Variants in DMD observed in about 807,000 individuals in gnomAD.
The protein encoded by DMD is dystrophin.
DMD carries 63 observed loss-of-function variants against 330.1 expected under a neutral mutation model. The ratio of observed to expected loss-of-function variants is 0.19; its 90% confidence interval spans 0.16 to 0.24. The LOEUF (loss-of-function observed/expected upper bound fraction) is 0.24, where lower values mean the gene tolerates loss of function less well. DMD is among the 10% of genes least tolerant of loss of function. The pLI is 1.00. For synonymous variants in DMD, 1,223 were observed against 959.8 expected, an observed-to-expected ratio of 1.27 and a Z score of -5.07; for missense variants, 3,344 against 2,684.1, an observed-to-expected ratio of 1.25 and a Z score of -5.43.
intron 2 of DMD, among the ~76,000 whole-genome samples, chrX:32,985,322 GATA>G (rs1289717162): frequency 7.1e-5 from 8 of 111,957 alleles, no homozygotes; most frequent in Non-Finnish European, 1.5e-4. Flanking sequence ...CCCAATGCAA[GATA>G]ATATTTTCTA....
At chrX:31,668,689 T>C (rs895676279) in intron 53 of DMD, among the ~76,000 whole-genome samples, 3 of 111,297 alleles carry the variant, frequency 2.7e-5, no homozygotes, top group Non-Finnish European at 5.7e-5. Flanking sequence ...CACCAGGTTG[T>C]GTCATAAAGT....
chrX:31,880,688 C>T (rs1045163864), intron 47 of DMD, among the ~76,000 whole-genome samples: 1 of 112,118 alleles, frequency 8.9e-6, no homozygotes, highest in African/African-American at 3.2e-5. Context: ...GACTGTGATC[C>T]TATGAGATTA....
chrX:32,333,720 T>G (rs1449374999), intron 41 of DMD, among the ~76,000 whole-genome samples: 1 of 111,293 alleles, frequency 9.0e-6, no homozygotes, highest in East Asian at 2.8e-4. Context: ...TTTATTCCCC[T>G]TTACAGCTGA....
chrX:32,931,359 G>A (rs1469642810), intron 2 of DMD, among the ~76,000 whole-genome samples: 3 of 111,223 alleles, frequency 2.7e-5, no homozygotes, highest in Non-Finnish European at 5.7e-5. Flanking sequence ...GGTTACTGTC[G>A]ATAGTTGCGT....
At chrX:33,158,305 G>A (rs745946712) in intron 1 of DMD, among the ~76,000 whole-genome samples, 5 of 111,664 alleles carry the variant, frequency 4.5e-5, no homozygotes, top group South Asian at 7.6e-4. Flanking sequence ...CCTGAAGAAC[G>A]TGAGGGATTG....
intron 55 of DMD, among the ~76,000 whole-genome samples, chrX:31,583,561 C>T (rs2076437920): frequency 9.0e-6 from 1 of 110,833 alleles, no homozygotes; most frequent in Non-Finnish European, 1.9e-5. Flanking sequence ...GATAAATGGA[C>T]TGAAAAGTGA....
chrX:32,753,362 A>T (rs1177950558), intron 7 of DMD, among the ~76,000 whole-genome samples: 1 of 112,273 alleles, frequency 8.9e-6, no homozygotes, highest in Non-Finnish European at 1.9e-5. Flanking sequence ...GGCCTAACAG[A>T]ACACTTTGCC....
intron 44 of DMD, among the ~76,000 whole-genome samples, chrX:32,014,877 A>G (rs1333744691): frequency 8.9e-6 from 1 of 112,338 alleles, no homozygotes; most frequent in African/African-American, 3.2e-5. Flanking sequence ...TATTAGTACT[A>G]CTAAGCATAC....
chrX:32,711,263 TCTC>T (rs1467960320), intron 7 of DMD, among the ~76,000 whole-genome samples: 9 of 111,526 alleles, frequency 8.1e-5, no homozygotes, highest in Non-Finnish European at 1.5e-4. Flanking sequence ...AATGTCGGCC[TCTC>T]TCAAATACCT....
chrX:32,584,646 G>T (rs955862891), intron 13 of DMD, among the ~76,000 whole-genome samples: 6 of 111,984 alleles, frequency 5.4e-5, no homozygotes, highest in Non-Finnish European at 1.1e-4. Flanking sequence ...ATAGTATCCA[G>T]TGAAAAAAGC....
intron 44 of DMD, among the ~76,000 whole-genome samples, chrX:32,027,794 T>C (rs1424601979): frequency 8.9e-6 from 1 of 112,493 alleles, no homozygotes; most frequent in East Asian, 2.8e-4. Context: ...CTGCAAAATG[T>C]CCTTCTTGAC....
intron 15 of DMD, among the ~76,000 whole-genome samples, chrX:32,570,600 G>A (rs886319972): frequency 6.3e-5 from 7 of 111,699 alleles, no homozygotes; most frequent in African/African-American, 1.6e-4. Context: ...CTGATATGAG[G>A]ACTACTGAAA....
chrX:31,776,698 C>T (rs1343043950), intron 50 of DMD, among the ~76,000 whole-genome samples: 1 of 109,084 alleles, frequency 9.2e-6, no homozygotes, highest in East Asian at 2.9e-4. Flanking sequence ...GGAAGCCAGG[C>T]AGTAAGGGAA....
intron 11 of DMD, among the ~76,000 whole-genome samples, chrX:32,632,623 C>A (rs6631616): frequency 0.051 from 5,711 of 111,665 alleles, 202 homozygotes; most frequent in African/African-American, 0.11. Context: ...AACTCTTGCA[C>A]TCTGTGCACC....
At chrX:32,606,382 C>T (rs1001504874) in intron 12 of DMD, among the ~76,000 whole-genome samples, 20 of 108,914 alleles carry the variant, frequency 1.8e-4, no homozygotes, top group African/African-American at 6.6e-4. Context: ...AAGGGGATAC[C>T]TGTCATTAAA....
At chrX:32,871,433 A>G (rs1469510091) in intron 2 of DMD, among the ~76,000 whole-genome samples, 2 of 111,240 alleles carry the variant, frequency 1.8e-5, no homozygotes, top group Non-Finnish European at 3.8e-5. Flanking sequence ...GCCTTCCCTC[A>G]TTCTTGGAAG....
rs547476242 is a variant in DMD at position 32,291,049 on chromosome X, C to T, written c.6118-3348G>A. 9.9e-5 allele frequency among the ~76,000 whole-genome samples: 11 copies of T among 111,453 alleles called. No homozygotes were observed. In the South Asian group the frequency reaches 3.4e-3, roughly 35 times the overall value. ...CACACACGCAAAGCTAGGTAACAAG[C>T]GCAGTCATATTTGGCTGCCTTTTCA... On this transcript the variant is annotated intron_variant, in intron 42 of 78. Transcript: ENST00000357033.
chrX:32,732,773 G>A (rs1158638086), intron 7 of DMD, among the ~76,000 whole-genome samples: 3 of 110,017 alleles, frequency 2.7e-5, no homozygotes, highest in Non-Finnish European at 5.7e-5. Context: ...CGCTAAACAT[G>A]GAAAGGAACA....
chrX:32,552,787 A>G (rs757049934), intron 16 of DMD, among the ~76,000 whole-genome samples: 1 of 112,242 alleles, frequency 8.9e-6, no homozygotes, highest in African/African-American at 3.2e-5. Context: ...AAAAAGACAT[A>G]CATACAGAAA....
Sources: allele counts gnomAD v4.1 joint callset (sites outside exome capture counted in the v4.1 genomes callset), GRCh38; gene constraint gnomAD v4.1.1; transcripts MANE v1.5; gene names NCBI Gene and HGNC (gene_info 2026-07-23, HGNC 2026-07-21).